GAS2: variants seen among roughly 807,000 people sequenced by gnomAD.
GAS2 encodes growth arrest specific 2.
A neutral mutation model predicts 37.5 loss-of-function variants in GAS2; 20 were observed. The ratio of observed to expected loss-of-function variants is 0.53; its 90% CI spans 0.37 to 0.77. The LOEUF (loss-of-function observed/expected upper bound fraction) is 0.77, where lower values mean the gene tolerates loss of function less well. GAS2 is among the 30% of genes least tolerant of loss of function. The probability of loss-of-function intolerance (pLI) is 0.00; values close to 1 mark genes in which losing one functional copy is unlikely to be tolerated. For synonymous variants in GAS2, 144 were observed against 132.2 expected, an observed-to-expected ratio of 1.09 and a Z score of -0.61; for missense variants, 336 against 373.4, an observed-to-expected ratio of 0.90 and a Z score of 0.82.
At chr11:22,722,727 A>G (rs1437482167) in intron 3 of GAS2, among the ~76,000 whole-genome samples, 1 of 151,914 alleles carries the variant, frequency 6.6e-6, no homozygotes, top group African/African-American at 2.4e-5. Context: ...AAATTCTAAT[A>G]CAGAGTATTT....
At chr11:22,657,214 G>A (rs1848865475) in intron 1 of GAS2, among the ~76,000 whole-genome samples, 1 of 152,192 alleles carries the variant, frequency 6.6e-6, no homozygotes, top group South Asian at 2.1e-4. Flanking sequence ...TTAAAAGGTA[G>A]GACTCTTTGT....
intron 1 of GAS2, among the ~76,000 whole-genome samples, chr11:22,644,461 G>T (rs1462121200): frequency 6.6e-6 from 1 of 151,978 alleles, no homozygotes; most frequent in African/African-American, 2.4e-5. Flanking sequence ...CAGATTTGAG[G>T]GAACCACTCT....
intron 1 of GAS2, among the ~76,000 whole-genome samples, chr11:22,642,758 A>T (rs543220030): frequency 6.6e-6 from 1 of 152,342 alleles, no homozygotes; most frequent in African/African-American, 2.4e-5. Context: ...CCACTAAAAA[A>T]AATGATTTTA....
upstream of GAS2, among the ~76,000 whole-genome samples, chr11:22,663,334 T>C (rs1848936131): frequency 6.6e-6 from 1 of 151,434 alleles, no homozygotes; most frequent in African/African-American, 2.4e-5. Flanking sequence ...GACACTGAGA[T>C]GGGAGGATAG....
intron 7 of GAS2, among the ~76,000 whole-genome samples, chr11:22,809,554 C>T (rs1857042230): frequency 6.6e-6 from 1 of 151,948 alleles, no homozygotes; most frequent in African/African-American, 2.4e-5. Context: ...GTGGCACGAT[C>T]TCAGCTCACT....
At chr11:22,784,577 T>G (rs1855735941) in intron 7 of GAS2, among the ~76,000 whole-genome samples, 1 of 152,156 alleles carries the variant, frequency 6.6e-6, no homozygotes, top group Non-Finnish European at 1.5e-5. Context: ...TAATAGTCAT[T>G]GCTCACAATG....
Position 22,737,764 on chromosome 11 carries a change from G to T in GAS2, c.469G>T (p.Ala157Ser), listed in dbSNP as rs764251796. The change falls in exon 5 of 8, where the codon GCC becomes TCC. Residue 157 changes from alanine to serine, a missense_variant. Coordinates refer to ENST00000454584, the MANE Select transcript of GAS2 (RefSeq NM_001143830.3). Reference sequence around the variant, plus strand: ...TCTGCTAGAGCTTGGCCGGATTGCAGCCAGGTAGGTCAAACCACTGCAACT... The same window carrying T: ...TCTGCTAGAGCTTGGCCGGATTGCATCCAGGTAGGTCAAACCACTGCAACT... ...LCLLELGRIA[A>S]RYGVEPPGLI... 6.2e-7 allele frequency: 1 copy of T among 1,613,940 alleles called. No individual in the cohort carries two copies. Among genetic ancestry groups the T allele is most frequent in the African/African-American group, 1.3e-5 (1 of 74,912 alleles).
At chr11:22,737,423 C>A (rs1852812363) in intron 4 of GAS2, among the ~76,000 whole-genome samples, 1 of 152,058 alleles carries the variant, frequency 6.6e-6, no homozygotes, top group African/African-American at 2.4e-5. Context: ...TTGAATAAAA[C>A]ATTTTTAGGG....
At chr11:22,720,126 G>A (rs184080978) in intron 3 of GAS2, among the ~76,000 whole-genome samples, 11 of 152,136 alleles carry the variant, frequency 7.2e-5, no homozygotes, top group Non-Finnish European at 1.6e-4. Context: ...AGGAAGAAAG[G>A]TGTACTAAAA....
chr11:22,655,019 C>T (rs748584721), intron 1 of GAS2, among the ~76,000 whole-genome samples: 9 of 152,228 alleles, frequency 5.9e-5, no homozygotes, highest in South Asian at 2.1e-4. Context: ...TAAGTCCAAA[C>T]GTCTTAAAAT....
At chr11:22,692,086 TA>T (rs1366149101) in intron 3 of GAS2, among the ~76,000 whole-genome samples, 6 of 152,208 alleles carry the variant, frequency 3.9e-5, no homozygotes, top group South Asian at 2.1e-4. Context: ...GAATGGTATG[TA>T]AAGGAGCTTG....
chr11:22,754,774 C>G (rs548163036), intron 6 of GAS2, among the ~76,000 whole-genome samples: 3 of 152,058 alleles, frequency 2.0e-5, no homozygotes, highest in African/African-American at 7.2e-5. Flanking sequence ...AGTCAAAAAT[C>G]GAATTATTTG....
At position 22,789,423 on chromosome 11, in the gene GAS2, G is replaced by GATATATATAAATATATATATAT. The variant is rs1491294585; in HGVS notation, c.724-22374_724-22373insTATATATAAATATATATATATA. ...GTGTGTATGTGTGTGTATCTCATATGAGATATATATATATATATATATATA... is the reference window on the plus strand; with the variant it reads ...GTGTGTATGTGTGTGTATCTCATATGATATATATAAATATATATATATAGATATATATATATATATATATATA... On this transcript the variant is annotated intron_variant, in intron 7 of 7. Transcript: ENST00000454584. Among the ~76,000 whole-genome samples the GATATATATAAATATATATATAT allele has an allele frequency of 1.7e-3, 120 of 71,148 alleles. 5 individuals are homozygous for GATATATATAAATATATATATAT. Among genetic ancestry groups the GATATATATAAATATATATATAT allele is most frequent in the African/African-American group, 6.8e-3 (117 of 17,314 alleles). 46.7% of individuals were successfully genotyped at this position (71,148 alleles called of 152,430 possible).
At chr11:22,749,704 T>G (rs1369778767) in intron 6 of GAS2, among the ~76,000 whole-genome samples, 4 of 152,028 alleles carry the variant, frequency 2.6e-5, no homozygotes, top group Non-Finnish European at 4.4e-5. Context: ...GAAAGGCAGG[T>G]TCCCTCTTGA....
chr11:22,660,517 C>T (rs1848904005), intron 1 of GAS2, among the ~76,000 whole-genome samples: 1 of 152,140 alleles, frequency 6.6e-6, no homozygotes, highest in African/African-American at 2.4e-5. Context: ...TTGTTAATCC[C>T]ACTTTACAGA....
intron 7 of GAS2, among the ~76,000 whole-genome samples, chr11:22,810,655 C>T (rs1857113550): frequency 6.6e-6 from 1 of 152,036 alleles, no homozygotes. Flanking sequence ...TCATGTCAAC[C>T]ACATAAATGA....
intron 3 of GAS2, among the ~76,000 whole-genome samples, chr11:22,695,930 CGTT>C (rs1367235618): frequency 4.6e-5 from 7 of 151,782 alleles, no homozygotes; most frequent in Non-Finnish European, 1.0e-4. Flanking sequence ...ATTTCTAAAA[CGTT>C]GTTTTTTTAA....
chr11:22,709,206 A>G lies in GAS2; in HGVS notation c.268-17086A>G, dbSNP rs1348593843. Among the ~76,000 whole-genome samples the G allele has an allele frequency of 3.6e-5, 3 of 83,836 alleles. No individual in the cohort carries two copies. The Admixed American group carries it at 5.2e-4, about 15-fold the overall frequency. The allele number at this position is 83,836 out of a possible 152,430, so 55.0% of individuals were successfully genotyped here. ...CTCAGAGGTGAATGCACAGCATGGT[A>G]ATGAAAAAAAAAAACCACAGAAGAC... is the stretch of plus-strand genomic sequence containing the variant. On this transcript the variant is annotated intron_variant, in intron 3 of 7. Coordinates refer to ENST00000454584, the MANE Select transcript of GAS2 (RefSeq NM_001143830.3).
chr11:22,705,658 A>G (rs1851080027), intron 3 of GAS2, among the ~76,000 whole-genome samples: 1 of 152,210 alleles, frequency 6.6e-6, no homozygotes, highest in African/African-American at 2.4e-5. Context: ...CAATGAAAAC[A>G]TTCAATTGAT....
Sources: gnomAD v4.1 joint callset for allele counts (sites outside exome capture counted in the v4.1 genomes callset) on GRCh38, gnomAD v4.1.1 for gene constraint, MANE v1.5 for transcripts, NCBI Gene and HGNC (gene_info 2026-07-23, HGNC 2026-07-21) for gene names.